Variants in CNTN5 observed in about 807,000 individuals in gnomAD.
CNTN5 encodes the protein contactin-5.
Under a neutral mutation model 129.1 loss-of-function variants are expected in CNTN5, and 77 were observed. The ratio of observed to expected loss-of-function variants is 0.60; its 90% confidence interval spans 0.50 to 0.72. The LOEUF (loss-of-function observed/expected upper bound fraction) is 0.72, where lower values mean the gene tolerates loss of function less well. Ranked by LOEUF, CNTN5 falls within the 30% of genes least tolerant of loss-of-function variation. CNTN5 has a pLI of 0.00. For missense variants in CNTN5, 1,478 were observed against 1,328.8 expected (o/e 1.11, Z -1.75); for synonymous variants, 509 against 465.6 (o/e 1.09, Z -1.20).
chr11:100,130,299 A>G (rs1268188734), intron 13 of CNTN5, among the ~76,000 whole-genome samples: 1 of 152,136 alleles, frequency 6.6e-6, no homozygotes, highest in Non-Finnish European at 1.5e-5. Context: ...CATTTCTTTA[A>G]ATGGCACCCA....
intron 16 of CNTN5, among the ~76,000 whole-genome samples, chr11:100,228,239 C>T (rs569331309): frequency 6.6e-6 from 1 of 152,166 alleles, no homozygotes; most frequent in Non-Finnish European, 1.5e-5. Flanking sequence ...TCTCTCGAGT[C>T]CTTCTGAATA....
chr11:99,711,862 T>C (rs1183155456), intron 3 of CNTN5, among the ~76,000 whole-genome samples: 1 of 152,136 alleles, frequency 6.6e-6, no homozygotes, highest in African/African-American at 2.4e-5. Context: ...GTGCCACATT[T>C]TCTGTATCCA....
chr11:99,397,960 A>G (rs12577804), intron 2 of CNTN5, among the ~76,000 whole-genome samples: 3,647 of 151,950 alleles, frequency 0.024, 253 homozygotes, highest in East Asian at 0.19. Context: ...GCCTACAAAT[A>G]TTGCTGTATT....
At chr11:99,166,517 C>CA (rs1860879398) in intron 1 of CNTN5, among the ~76,000 whole-genome samples, 2 of 150,580 alleles carry the variant, frequency 1.3e-5, no homozygotes, top group African/African-American at 2.4e-5. Flanking sequence ...TAAGCCAAAA[C>CA]AAAAAAATTG....
chr11:99,442,319 G>A (rs1466966720), intron 2 of CNTN5, among the ~76,000 whole-genome samples: 2 of 152,044 alleles, frequency 1.3e-5, no homozygotes, highest in Non-Finnish European at 2.9e-5. Flanking sequence ...ACAGGCATGT[G>A]CCACCATGCC....
intron 13 of CNTN5, among the ~76,000 whole-genome samples, chr11:100,083,317 CAAA>C (rs71050046): frequency 5.5e-5 from 7 of 127,920 alleles, no homozygotes; most frequent in Admixed American, 7.9e-5. Flanking sequence ...AACTCTGTCT[CAAA>C]AAAAAAAAAA....
chr11:99,679,935 G>A (rs1012141421), intron 3 of CNTN5, among the ~76,000 whole-genome samples: 1 of 152,178 alleles, frequency 6.6e-6, no homozygotes, highest in South Asian at 2.1e-4. Context: ...CTGATGTAGA[G>A]ACAGTTTGAG....
chr11:99,087,137 T>A (rs1322356697), intron 1 of CNTN5, among the ~76,000 whole-genome samples: 1 of 152,158 alleles, frequency 6.6e-6, no homozygotes, highest in African/African-American at 2.4e-5. Flanking sequence ...GAATTTTGAA[T>A]TGAGGTTATG....
chr11:99,647,704 T>C (rs1952016955), intron 3 of CNTN5, among the ~76,000 whole-genome samples: 1 of 151,966 alleles, frequency 6.6e-6, no homozygotes. Context: ...GTGTCTTCTT[T>C]GATTTCTTTC....
intron 3 of CNTN5, among the ~76,000 whole-genome samples, chr11:99,696,432 G>T (rs1954272749): frequency 6.6e-6 from 1 of 151,980 alleles, no homozygotes. Context: ...AGACAAATTA[G>T]CCAAAAGCAA....
At chr11:99,701,272 G>C (rs927639160) in intron 3 of CNTN5, among the ~76,000 whole-genome samples, 7 of 151,178 alleles carry the variant, frequency 4.6e-5, no homozygotes, top group Non-Finnish European at 7.4e-5. Flanking sequence ...AAGTGGAAGA[G>C]ATGGAACCTG....
rs368876136 is a variant in CNTN5 at position 99,830,932 on chromosome 11, T to A, written c.277+11167T>A. Among the ~76,000 whole-genome samples, 8 of 152,272 alleles carry A rather than the reference T, an allele frequency of 5.3e-5. 1 individual carries two copies. The highest frequency in any genetic ancestry group is 1.9e-4 in the African/African-American group (8 of 41,558). On this transcript the variant is annotated intron_variant, in intron 4 of 24. Coordinates refer to ENST00000524871, the MANE Select transcript of CNTN5 (RefSeq NM_014361.4). The stretch of plus-strand genomic sequence containing the variant: ...AACCTATTTGAGGACTGCTTCATTT[T>A]TCTTGAAATCTATAGGCTGAATTTC...
At chr11:99,337,726 A>G (rs578007842) in intron 2 of CNTN5, among the ~76,000 whole-genome samples, 4 of 152,222 alleles carry the variant, frequency 2.6e-5, no homozygotes, top group African/African-American at 7.2e-5. Flanking sequence ...CTTGCTCCCA[A>G]CAAAATAGTA....
intron 1 of CNTN5, among the ~76,000 whole-genome samples, chr11:99,224,998 C>T (rs558519435): frequency 3.3e-5 from 5 of 151,894 alleles, no homozygotes; most frequent in Admixed American, 2.0e-4. Context: ...CAAAGAGAGA[C>T]GTCTTGAAGT....
chr11:100,296,014 A>C (rs193036421), intron 18 of CNTN5, among the ~76,000 whole-genome samples: 24 of 151,682 alleles, frequency 1.6e-4, no homozygotes, highest in African/African-American at 5.5e-4. Context: ...TTTATCCACT[A>C]TTTATTTGAC....
At chr11:99,449,130 A>G (rs1288887800) in intron 2 of CNTN5, among the ~76,000 whole-genome samples, 1 of 152,004 alleles carries the variant, frequency 6.6e-6, no homozygotes, top group Non-Finnish European at 1.5e-5. Flanking sequence ...TGAGCTTACC[A>G]TTGTGTTAGC....
chr11:99,200,323 TCTA>T (rs1179954598), intron 1 of CNTN5, among the ~76,000 whole-genome samples: 3 of 152,202 alleles, frequency 2.0e-5, no homozygotes, highest in African/African-American at 7.2e-5. Flanking sequence ...TTAGATATTT[TCTA>T]CTATTTTCTA....
At chr11:99,979,115 T>C (rs969630738) in intron 8 of CNTN5, among the ~76,000 whole-genome samples, 8 of 152,312 alleles carry the variant, frequency 5.3e-5, no homozygotes, top group African/African-American at 1.7e-4. Context: ...CATGCACAGA[T>C]TTTTGTTTCA....
At chr11:100,121,161 G>A (rs1166165293) in intron 13 of CNTN5, among the ~76,000 whole-genome samples, 3 of 151,952 alleles carry the variant, frequency 2.0e-5, no homozygotes, top group Non-Finnish European at 4.4e-5. Flanking sequence ...GAAAGAATGA[G>A]GGCTTGGATC....
Sources: allele counts gnomAD v4.1 joint callset (sites outside exome capture counted in the v4.1 genomes callset), GRCh38; gene constraint gnomAD v4.1.1; transcripts MANE v1.5; gene names NCBI Gene and HGNC (gene_info 2026-07-23, HGNC 2026-07-21).